ELAVL4: variants seen among roughly 807,000 people sequenced by gnomAD.
The protein encoded by ELAVL4 is ELAV-like protein 4.
Under a neutral mutation model 35.6 loss-of-function variants are expected in ELAVL4, and 1 was observed. That is an observed-to-expected ratio of 0.03 (90% CI 0.01 to 0.13). The LOEUF is 0.13. ELAVL4 is among the 10% of genes least tolerant of loss of function. ELAVL4 has a pLI of 1.00. For synonymous variants in ELAVL4, 156 were observed against 171.0 expected (o/e 0.91, Z 0.69); for missense variants, 267 against 464.9 (o/e 0.57, Z 3.91).
intron 1 of ELAVL4, among the ~76,000 whole-genome samples, chr1:50,061,479 C>A (rs1363290788): frequency 6.6e-6 from 1 of 152,108 alleles, no homozygotes; most frequent in Non-Finnish European, 1.5e-5. Flanking sequence ...ACAGTAAGAC[C>A]AAATCCTTAA....
Position 50,109,018 on chromosome 1 carries a change from C to CGGGGGGGG in ELAVL4, c.-172_-171insGGGGGGGG. 7.7e-6 allele frequency: 4 copies of CGGGGGGGG among 519,102 alleles called. No individual in the cohort carries two copies. The highest frequency in any genetic ancestry group is 9.6e-6 in the Non-Finnish European group (4 of 416,514). The allele number at this position is 519,102 out of a possible 1,614,324, so 32.2% of individuals were successfully genotyped here. ...CCTTTTCTTTTTTTTCTTTCTCTCC[C>CGGGGGGGG]CCGCCCACCCCCCCAAAAATAATTG... On this transcript the variant is annotated 5_prime_UTR_variant, in exon 1 of 7. Coordinates refer to ENST00000371824, the MANE Select transcript of ELAVL4 (RefSeq NM_001144774.3).
At chr1:50,077,828 C>T (rs956237536) in intron 1 of ELAVL4, among the ~76,000 whole-genome samples, 5 of 152,168 alleles carry the variant, frequency 3.3e-5, no homozygotes, top group Admixed American at 2.0e-4. Context: ...AGCATTATCT[C>T]ATTTAATTCT....
At chr1:50,131,886 T>TA (rs201687977) in intron 1 of ELAVL4, among the ~76,000 whole-genome samples, 315 of 134,894 alleles carry the variant, frequency 2.3e-3, no homozygotes, top group Middle Eastern at 7.3e-3. Context: ...AATTTATGTT[T>TA]AAAAAAAAAA....
rs1666632354 is a variant in ELAVL4 at position 50,109,061 on chromosome 1, C to T, written c.-129C>T. 1.8e-6 allele frequency: 1 copy of T among 552,484 alleles called. No homozygotes were observed. Among genetic ancestry groups the T allele is most frequent in the Non-Finnish European group, 2.2e-6 (1 of 446,590 alleles). 34.2% of individuals were successfully genotyped at this position (552,484 alleles called of 1,614,324 possible). On this transcript the variant is annotated 5_prime_UTR_variant, in exon 1 of 7. Transcript: ENST00000371824. Reference sequence around the variant, plus strand: ...AATAATTGATTTGCTTTACAATCATCCACACTGTGTTTTGTGGATCTTTAA... The same window carrying T: ...AATAATTGATTTGCTTTACAATCATTCACACTGTGTTTTGTGGATCTTTAA...
intron 1 of ELAVL4, among the ~76,000 whole-genome samples, chr1:50,072,738 G>A (rs1457861786): frequency 6.6e-6 from 1 of 152,152 alleles, no homozygotes; most frequent in Non-Finnish European, 1.5e-5. Flanking sequence ...GCCAGACATT[G>A]TGCTTAATCC....
At chr1:50,093,752 G>A (rs1343469568) in intron 1 of ELAVL4, among the ~76,000 whole-genome samples, 1 of 152,128 alleles carries the variant, frequency 6.6e-6, no homozygotes, top group Non-Finnish European at 1.5e-5. Context: ...ACACTTCAGG[G>A]ACCCGTAAGT....
At chr1:50,117,520 G>T (rs1483165581) in intron 1 of ELAVL4, among the ~76,000 whole-genome samples, 1 of 152,136 alleles carries the variant, frequency 6.6e-6, no homozygotes, top group Non-Finnish European at 1.5e-5. Flanking sequence ...AGCTCTTCCA[G>T]TTACTAACTG....
chr1:50,113,220 C>CT (rs560487194), intron 1 of ELAVL4, among the ~76,000 whole-genome samples: 2,074 of 144,388 alleles, frequency 0.014, 26 homozygotes, highest in African/African-American at 0.04. Flanking sequence ...CAGAGTAAGT[C>CT]TTTTTTTTTT....
chr1:50,146,134 T>G (rs957963288), intron 2 of ELAVL4, among the ~76,000 whole-genome samples: 8 of 150,744 alleles, frequency 5.3e-5, no homozygotes, highest in Non-Finnish European at 1.2e-4. Flanking sequence ...ACAGTTTAAT[T>G]AATCAGCAAC....
At chr1:50,110,059 C>T in intron 1 of ELAVL4, 1 of 1,461,858 alleles carries the variant, frequency 6.8e-7, no homozygotes, top group Non-Finnish European at 9.5e-7. Flanking sequence ...GGATGCTGGA[C>T]TGTGCATCGT....
intron 3 of ELAVL4, chr1:50,179,521 T>A (rs1042614812): frequency 3.9e-5 from 6 of 152,204 alleles, no homozygotes; most frequent in African/African-American, 9.7e-5. Flanking sequence ...TTAATTTTTT[T>A]AAATTGCTTT....
intron 6 of ELAVL4, among the ~76,000 whole-genome samples, chr1:50,199,925 A>T (rs1231611026): frequency 6.6e-6 from 1 of 152,150 alleles, no homozygotes; most frequent in Non-Finnish European, 1.5e-5. Flanking sequence ...TTGCACAAAA[A>T]CTGAGAAGAT....
At chr1:50,189,973 G>C (rs1682418740) in intron 3 of ELAVL4, among the ~76,000 whole-genome samples, 1 of 152,202 alleles carries the variant, frequency 6.6e-6, no homozygotes, top group Non-Finnish European at 1.5e-5. Flanking sequence ...CAGGGATGGG[G>C]AGAGCTGAGG....
intron 3 of ELAVL4, chr1:50,181,309 C>G (rs1680986502): frequency 6.6e-6 from 1 of 152,236 alleles, no homozygotes; most frequent in Admixed American, 6.5e-5. Flanking sequence ...AATTGTGTGT[C>G]TCCTCCAGGT....
At chr1:50,080,303 A>C (rs1458493151) in intron 1 of ELAVL4, among the ~76,000 whole-genome samples, 4 of 152,204 alleles carry the variant, frequency 2.6e-5, no homozygotes, top group Admixed American at 2.6e-4. Context: ...AACAGGAAAA[A>C]TGAATGTTCT....
intron 1 of ELAVL4, among the ~76,000 whole-genome samples, chr1:50,140,613 CTG>C (rs1672660172): frequency 6.6e-6 from 1 of 151,776 alleles, no homozygotes; most frequent in African/African-American, 2.4e-5. Flanking sequence ...TTTTTTCAGC[CTG>C]TGTTGCATCC....
At chr1:50,128,659 G>C (rs900852043) in intron 1 of ELAVL4, among the ~76,000 whole-genome samples, 1 of 152,112 alleles carries the variant, frequency 6.6e-6, no homozygotes, top group Non-Finnish European at 1.5e-5. Context: ...TGGAGAAGGG[G>C]CATGCTAGGT....
chr1:50,056,332 C>G (rs1292079362), intron 1 of ELAVL4, among the ~76,000 whole-genome samples: 1 of 152,188 alleles, frequency 6.6e-6, no homozygotes, highest in East Asian at 1.9e-4. Flanking sequence ...GAGTGTAATA[C>G]TGTATGGTCA....
At chr1:50,112,869 G>A (rs909190581) in intron 1 of ELAVL4, among the ~76,000 whole-genome samples, 1 of 151,760 alleles carries the variant, frequency 6.6e-6, no homozygotes, top group African/African-American at 2.4e-5. Context: ...CTCCTTCCTT[G>A]GTCCTTTGAA....
Sources: allele counts gnomAD v4.1 joint callset (sites outside exome capture counted in the v4.1 genomes callset), GRCh38; gene constraint gnomAD v4.1.1; transcripts MANE v1.5; gene names NCBI Gene and HGNC (gene_info 2026-07-23, HGNC 2026-07-21).